The following PPP2R2B variants were observed in gnomAD, a reference collection of about 807,000 sequenced individuals.
PPP2R2B encodes protein phosphatase 2 regulatory subunit Bbeta, also known as serine/threonine-protein phosphatase 2A 55 kDa regulatory subunit B beta isoform.
In PPP2R2B, 5 loss-of-function variants were observed where a neutral mutation model predicts 46.0. The observed-to-expected ratio is 0.11, with a 90% confidence interval of 0.06 to 0.23. PPP2R2B has a LOEUF of 0.23. PPP2R2B is among the 10% of genes least tolerant of loss of function. The pLI, the probability that PPP2R2B is intolerant of heterozygous loss-of-function variation, is 1.00. For synonymous variants in PPP2R2B, 215 were observed against 206.7 expected, an observed-to-expected ratio of 1.04 and a Z score of -0.34; for missense variants, 367 against 575.0, an observed-to-expected ratio of 0.64 and a Z score of 3.70.
intron 1 of PPP2R2B, among the ~76,000 whole-genome samples, chr5:146,970,372 G>A (rs1021688597): frequency 3.3e-5 from 5 of 152,000 alleles, no homozygotes; most frequent in Non-Finnish European, 5.9e-5. Context: ...AGGCCGAGGC[G>A]GGCGGATCAT....
chr5:146,869,291 GA>G (rs1761481578), intron 2 of PPP2R2B, among the ~76,000 whole-genome samples: 1 of 152,090 alleles, frequency 6.6e-6, no homozygotes, highest in African/African-American at 2.4e-5. Flanking sequence ...CAGCTTTAAA[GA>G]TAATAAAATC....
At chr5:146,744,130 C>T (rs1191472876) in intron 2 of PPP2R2B, among the ~76,000 whole-genome samples, 1 of 152,196 alleles carries the variant, frequency 6.6e-6, no homozygotes, top group Admixed American at 6.5e-5. Flanking sequence ...CTTGCTCCTT[C>T]CTCCTTTTCA....
chr5:147,045,709 A>C (rs1468511271), intron 1 of PPP2R2B, among the ~76,000 whole-genome samples: 1 of 152,068 alleles, frequency 6.6e-6, no homozygotes, highest in Non-Finnish European at 1.5e-5. Flanking sequence ...TTAAGATGAA[A>C]CTTTGTAATT....
intron 1 of PPP2R2B, among the ~76,000 whole-genome samples, chr5:146,897,985 G>A (rs1303279363): frequency 2.6e-5 from 4 of 152,190 alleles, no homozygotes; most frequent in Non-Finnish European, 5.9e-5. Context: ...AGGAGTTTGA[G>A]ACCAGCCTGG....
chr5:146,742,918 T>G (rs575960356), intron 2 of PPP2R2B, among the ~76,000 whole-genome samples: 1 of 152,290 alleles, frequency 6.6e-6, no homozygotes, highest in East Asian at 1.9e-4. Context: ...AGCCAAGGAC[T>G]GCCAAAAATT....
chr5:146,840,589 AG>A (rs2151368820), intron 2 of PPP2R2B, among the ~76,000 whole-genome samples: 1 of 152,306 alleles, frequency 6.6e-6, no homozygotes, highest in South Asian at 2.1e-4. Context: ...AAATACCCAA[AG>A]GGGTTTGGAG....
At chr5:146,824,771 G>A (rs1017947779) in intron 2 of PPP2R2B, among the ~76,000 whole-genome samples, 4 of 149,862 alleles carry the variant, frequency 2.7e-5, no homozygotes, top group Admixed American at 6.7e-5. Flanking sequence ...GGGCTGAAGT[G>A]CAGTGGTGCA....
intron 1 of PPP2R2B, among the ~76,000 whole-genome samples, chr5:147,007,593 T>C (rs1754505477): frequency 6.6e-6 from 1 of 152,142 alleles, no homozygotes; most frequent in African/African-American, 2.4e-5. Context: ...GATTTGTTCT[T>C]TTGCTCTTCA....
At chr5:146,924,413 C>A (rs1254291679) in intron 1 of PPP2R2B, among the ~76,000 whole-genome samples, 1 of 152,134 alleles carries the variant, frequency 6.6e-6, no homozygotes. Context: ...GAAGTAACAG[C>A]TTGGATCTGG....
At chr5:146,690,431 G>A (rs191288523) in intron 5 of PPP2R2B, among the ~76,000 whole-genome samples, 7 of 152,156 alleles carry the variant, frequency 4.6e-5, no homozygotes, top group African/African-American at 1.7e-4. Context: ...CTTTCTCAAT[G>A]CATTTATCTT....
intron 5 of PPP2R2B, among the ~76,000 whole-genome samples, chr5:146,667,592 G>A (rs1336721733): frequency 6.6e-6 from 1 of 151,674 alleles, no homozygotes; most frequent in Non-Finnish European, 1.5e-5. Flanking sequence ...AAACCCAAAA[G>A]GATTACTGAA....
chr5:146,688,671 G>A (rs573726160), intron 5 of PPP2R2B, among the ~76,000 whole-genome samples: 1 of 152,178 alleles, frequency 6.6e-6, no homozygotes, highest in South Asian at 2.1e-4. Context: ...TTGGCATGGG[G>A]AGGATCTCTG....
chr5:146,895,370 T>G (rs1238504210), intron 1 of PPP2R2B, among the ~76,000 whole-genome samples: 1 of 152,232 alleles, frequency 6.6e-6, no homozygotes, highest in African/African-American at 2.4e-5. Flanking sequence ...GCTCTACATC[T>G]ATGTCTATGA....
At chr5:146,929,459 A>G (rs1378629771) in intron 1 of PPP2R2B, among the ~76,000 whole-genome samples, 4 of 152,184 alleles carry the variant, frequency 2.6e-5, no homozygotes, top group African/African-American at 4.8e-5. Flanking sequence ...TTCCAAAGAA[A>G]TGTCAGGAGG....
chr5:146,935,035 A>G (rs1764095743), intron 1 of PPP2R2B, among the ~76,000 whole-genome samples: 1 of 152,204 alleles, frequency 6.6e-6, no homozygotes, highest in African/African-American at 2.4e-5. Flanking sequence ...TATTGAACTT[A>G]TATTAGTTTC....
chr5:146,831,519 A>G (rs1022661711), intron 2 of PPP2R2B, among the ~76,000 whole-genome samples: 1 of 151,194 alleles, frequency 6.6e-6, no homozygotes, highest in East Asian at 1.9e-4. Flanking sequence ...AAAAAAAAAA[A>G]AAAAGCCTCT....
At chr5:147,054,645 G>T in intron 1 of PPP2R2B, 2 of 456,164 alleles carry the variant, frequency 4.4e-6, no homozygotes, top group Non-Finnish European at 8.8e-6. Flanking sequence ...ACAGCCCCCA[G>T]TCTCAGGATT....
chr5:147,081,019 C>T (rs1336647532), intron 2 of PPP2R2B: 2 of 1,511,084 alleles, frequency 1.3e-6, no homozygotes, highest in Non-Finnish European at 1.8e-6. Context: ...AGCACAAACT[C>T]CCAAGGAGGC....
chr5:146,892,594 C>T (rs1196714060), intron 1 of PPP2R2B, among the ~76,000 whole-genome samples: 2 of 152,206 alleles, frequency 1.3e-5, no homozygotes. Flanking sequence ...CCACGCTCCT[C>T]ACTAAGTCAG....
Sources: allele counts gnomAD v4.1 joint callset (sites outside exome capture counted in the v4.1 genomes callset), GRCh38; gene constraint gnomAD v4.1.1; transcripts MANE v1.5; gene names NCBI Gene and HGNC (gene_info 2026-07-23, HGNC 2026-07-21).